Variants in RRM2 observed in about 807,000 individuals in gnomAD.
RRM2 encodes ribonucleotide reductase regulatory subunit M2, also known as ribonucleoside-diphosphate reductase subunit M2.
RRM2 carries 6 observed loss-of-function variants against 45.9 expected under a neutral mutation model. The observed-to-expected ratio is 0.13, with a 90% CI of 0.07 to 0.26. The LOEUF is 0.26. Among genes scored for constraint, RRM2 ranks in the 10% least tolerant of loss-of-function variants. The pLI, the probability that RRM2 is intolerant of heterozygous loss-of-function variation, is 1.00. For synonymous variants in RRM2, 177 were observed against 173.0 expected, an observed-to-expected ratio of 1.02 and a Z score of -0.18; for missense variants, 343 against 489.5, an observed-to-expected ratio of 0.70 and a Z score of 2.82.
chr2:10,203,083 TC>T (rs972120337), intron 3 of RRM2, among the ~76,000 whole-genome samples: 2 of 152,200 alleles, frequency 1.3e-5, no homozygotes, highest in African/African-American at 4.8e-5. Context: ...AGGTGTTCCA[TC>T]CTTTCTTCTC....
chr2:10,160,749 C>A (rs544582441), intron 3 of RRM2, among the ~76,000 whole-genome samples: 2 of 152,238 alleles, frequency 1.3e-5, no homozygotes, highest in African/African-American at 4.8e-5. Flanking sequence ...AACCCCTGGA[C>A]GTCAGGACAC....
At chr2:10,186,917 G>A (rs2192671) in intron 3 of RRM2, among the ~76,000 whole-genome samples, 130,664 of 152,278 alleles carry the variant, frequency 0.86, 56,180 homozygotes, top group East Asian at 1. Context: ...GTGAGGCTGA[G>A]CGCTGAACCA....
At chr2:10,178,076 C>G (rs144528023) in intron 3 of RRM2, among the ~76,000 whole-genome samples, 1 of 151,314 alleles carries the variant, frequency 6.6e-6, no homozygotes, top group African/African-American at 2.4e-5. Flanking sequence ...TGCCCACCAA[C>G]ACGCCCGGCT....
intron 2 of RRM2, 48 bp from the exon 3 acceptor site, chr2:10,123,339 T>G (rs761298189): frequency 2.6e-5 from 40 of 1,557,324 alleles, no homozygotes; most frequent in Admixed American, 2.5e-4. Context: ...AACGTTAGTT[T>G]CATATGGTTC....
upstream of RRM2, among the ~76,000 whole-genome samples, chr2:10,137,792 TC>T (rs1663016829): frequency 6.6e-6 from 1 of 152,110 alleles, no homozygotes; most frequent in South Asian, 2.1e-4. Flanking sequence ...GTCTTCCCTC[TC>T]CTCTACTTCA....
rs760457658 is a variant in RRM2, at chr2:10,185,261, G to A, written n.483-25050G>A. Reference sequence around the variant, plus strand: ...AGAGACAGAGAGAGAGCGTGAAAGCGAGACAGAGCGTGAGAGTGAGAGAGA... The same window carrying A: ...AGAGACAGAGAGAGAGCGTGAAAGCAAGACAGAGCGTGAGAGTGAGAGAGA... On this transcript the variant is annotated intron_variant and non_coding_transcript_variant, in intron 3 of 3. Transcript: ENST00000381786. This position sits in a 1 kb window ranked among gnomAD's most constrained non-coding sequence, Gnocchi z 4.3. Among the ~76,000 whole-genome samples, 7 of 145,310 alleles carry A rather than the reference G, an allele frequency of 4.8e-5. No individual in the cohort carries two copies. Among genetic ancestry groups the A allele is most frequent in the Non-Finnish European group, 9.4e-5 (6 of 63,972 alleles).
chr2:10,182,927 C>T (rs1664090327), intron 3 of RRM2, among the ~76,000 whole-genome samples: 1 of 152,144 alleles, frequency 6.6e-6, no homozygotes, highest in Admixed American at 6.5e-5. Context: ...CCTGTGATCC[C>T]AACACTTTGA....
chr2:10,170,321 A>C (rs1663773051), intron 3 of RRM2, among the ~76,000 whole-genome samples: 1 of 152,196 alleles, frequency 6.6e-6, no homozygotes, highest in Non-Finnish European at 1.5e-5. Flanking sequence ...TGACTTGCTT[A>C]TCATGGAAAT....
intron 3 of RRM2, among the ~76,000 whole-genome samples, chr2:10,142,992 G>A (rs1663116548): frequency 6.6e-6 from 1 of 152,234 alleles, no homozygotes. Context: ...TCCGGCCTCA[G>A]CCTCCCGTGT....
chr2:10,167,270 G>A (rs1414804714), intron 3 of RRM2, among the ~76,000 whole-genome samples: 1 of 152,196 alleles, frequency 6.6e-6, no homozygotes, highest in Non-Finnish European at 1.5e-5. Context: ...ATCAAGGAAT[G>A]ATGAGCCAGT....
chr2:10,201,840 A>G (rs2125333761), intron 3 of RRM2, among the ~76,000 whole-genome samples: 1 of 152,348 alleles, frequency 6.6e-6, no homozygotes, highest in Admixed American at 6.5e-5. Context: ...GCCCAAAGAA[A>G]GCCAAGCACC....
At chr2:10,193,035 C>T (rs570973761) in intron 3 of RRM2, among the ~76,000 whole-genome samples, 1 of 152,358 alleles carries the variant, frequency 6.6e-6, no homozygotes, top group East Asian at 1.9e-4. Context: ...CTTCTCTGCT[C>T]TGAGCAGCCC....
In RRM2 at chr2:10,123,722, C is replaced by G. The variant is rs751351052; in HGVS notation, c.319-14C>G. 6.5e-7 allele frequency: 1 copy of G among 1,532,108 alleles called. No individual in the cohort carries two copies. The highest frequency in any genetic ancestry group is 1.4e-5 in the African/African-American group (1 of 72,840). The allele number at this position is 1,532,108 out of a possible 1,614,324, so 94.9% of individuals were successfully genotyped here. ...TCTTCCTTTTATGCTAAAATTGTGA[C>G]TTCCGAACCTCAGGTGGACCTCTCC... On this transcript the variant is annotated splice_polypyrimidine_tract_variant and intron_variant, in intron 3 of 9. Coordinates refer to ENST00000304567, the MANE Select transcript of RRM2 (RefSeq NM_001034.4).
At chr2:10,154,487 G>T (rs1472225451) in intron 3 of RRM2, among the ~76,000 whole-genome samples, 2 of 120,172 alleles carry the variant, frequency 1.7e-5, no homozygotes, top group Admixed American at 1.8e-4. Flanking sequence ...GTGACAGAGC[G>T]AGACTCCATC....
chr2:10,154,629 G>A (rs1341184544), intron 3 of RRM2, among the ~76,000 whole-genome samples: 8 of 151,432 alleles, frequency 5.3e-5, no homozygotes, highest in African/African-American at 1.7e-4. Flanking sequence ...ACCAAGTTCC[G>A]CTGAGTGGCT....
chr2:10,127,419 G>A lies in RRM2; in HGVS notation c.798+199G>A, dbSNP rs764113171. 1.0e-5 allele frequency: 6 copies of A among 595,908 alleles called. No homozygotes were observed. The highest frequency in any genetic ancestry group is 1.8e-5 in the Non-Finnish European group (6 of 339,888). 36.9% of individuals were successfully genotyped at this position (595,908 alleles called of 1,614,324 possible). A position where few individuals can be genotyped will look rare whatever the true frequency, so the allele number is the denominator to read the frequency against. ...GTTTTACTTGCATTCTCAATATATTGTAATACATTTGTACATATGTATTCC... is the reference window on the plus strand; with the variant it reads ...GTTTTACTTGCATTCTCAATATATTATAATACATTTGTACATATGTATTCC... On this transcript the variant is annotated intron_variant, in intron 7 of 9. Coordinates refer to ENST00000304567, the MANE Select transcript of RRM2 (RefSeq NM_001034.4). The surrounding 1 kb of genome is among the most constrained non-coding windows in gnomAD (Gnocchi z 4.1).
chr2:10,135,558 G>A (rs1468170159), downstream of RRM2, among the ~76,000 whole-genome samples: 2 of 151,982 alleles, frequency 1.3e-5, no homozygotes, highest in South Asian at 2.1e-4. Context: ...CTTAGAAGGT[G>A]GAAAGGGTCG....
At chr2:10,182,663 A>T (rs1360261014) in intron 3 of RRM2, among the ~76,000 whole-genome samples, 1 of 152,184 alleles carries the variant, frequency 6.6e-6, no homozygotes. Context: ...TTGGGTTAAG[A>T]ATTTAGCAGC....
At chr2:10,170,111 T>C (rs1663767818) in intron 3 of RRM2, among the ~76,000 whole-genome samples, 1 of 152,086 alleles carries the variant, frequency 6.6e-6, no homozygotes, top group Non-Finnish European at 1.5e-5. Flanking sequence ...GCCAACTTCC[T>C]AGCTTTAAGT....
Sources: allele counts gnomAD v4.1 joint callset (sites outside exome capture counted in the v4.1 genomes callset), GRCh38; gene constraint gnomAD v4.1.1; non-coding constraint Gnocchi (gnomAD v3.1); transcripts MANE v1.5; gene names NCBI Gene and HGNC (gene_info 2026-07-23, HGNC 2026-07-21).